Variants in CDH12 observed in about 807,000 individuals in gnomAD.
CDH12 encodes cadherin-12.
In CDH12, 41 loss-of-function variants were observed where a neutral mutation model predicts 74.1. That is an observed-to-expected ratio of 0.55 (90% CI 0.43 to 0.72). The LOEUF (loss-of-function observed/expected upper bound fraction) is 0.72. Among genes scored for constraint, CDH12 ranks in the 30% least tolerant of loss-of-function variants. The probability of loss-of-function intolerance (pLI) is 0.00; values close to 1 mark genes in which losing one functional copy is unlikely to be tolerated. For synonymous variants in CDH12, 399 were observed against 355.0 expected, an observed-to-expected ratio of 1.12 and a Z score of -1.39; for missense variants, 945 against 977.2, an observed-to-expected ratio of 0.97 and a Z score of 0.44.
intron 6 of CDH12, among the ~76,000 whole-genome samples, chr5:21,941,024 C>T (rs1309584879): frequency 6.6e-6 from 1 of 152,148 alleles, no homozygotes; most frequent in Admixed American, 6.5e-5. Flanking sequence ...TCAAAGACTT[C>T]CAAGCTTTGA....
chr5:22,164,380 A>C (rs1351117673), intron 4 of CDH12, among the ~76,000 whole-genome samples: 2 of 152,214 alleles, frequency 1.3e-5, no homozygotes, highest in Admixed American at 1.3e-4. Flanking sequence ...CAATGGCAAG[A>C]CTTTAACCCG....
At chr5:22,585,109 G>A (rs1740315853) in intron 1 of CDH12, among the ~76,000 whole-genome samples, 1 of 152,038 alleles carries the variant, frequency 6.6e-6, no homozygotes, top group Non-Finnish European at 1.5e-5. Context: ...GAATCTTCTG[G>A]TAGAATATAC....
At chr5:22,813,762 C>G (rs1749259042) in intron 1 of CDH12, among the ~76,000 whole-genome samples, 1 of 151,960 alleles carries the variant, frequency 6.6e-6, no homozygotes. Context: ...ACCAAAGAGC[C>G]CACAAGGAAA....
chr5:22,779,927 C>T (rs1385612942), intron 1 of CDH12, among the ~76,000 whole-genome samples: 1 of 152,130 alleles, frequency 6.6e-6, no homozygotes, highest in Non-Finnish European at 1.5e-5. Context: ...TCCCTAGTTC[C>T]TCACACAGAA....
intron 3 of CDH12, among the ~76,000 whole-genome samples, chr5:22,365,291 T>C (rs1561347366): frequency 6.6e-6 from 1 of 152,064 alleles, no homozygotes; most frequent in Non-Finnish European, 1.5e-5. Context: ...CTACAGAAAA[T>C]GGGTGTAGTT....
intron 2 of CDH12, among the ~76,000 whole-genome samples, chr5:22,442,200 A>T (rs914386788): frequency 1.3e-5 from 2 of 152,226 alleles, no homozygotes; most frequent in Non-Finnish European, 2.9e-5. Flanking sequence ...TTGTATTTAT[A>T]AGCATTAGTA....
At chr5:22,167,591 A>T (rs1035753438) in intron 4 of CDH12, among the ~76,000 whole-genome samples, 2 of 152,340 alleles carry the variant, frequency 1.3e-5, no homozygotes, top group African/African-American at 4.8e-5. Context: ...CTATGAGAAA[A>T]GAACGCATAG....
intron 2 of CDH12, among the ~76,000 whole-genome samples, chr5:22,497,762 C>T (rs1202103148): frequency 6.7e-6 from 1 of 149,970 alleles, no homozygotes; most frequent in East Asian, 2.0e-4. Context: ...CCTGCCTCAG[C>T]CTCCTAAGTG....
At chr5:22,477,879 C>T (rs555218468) in intron 2 of CDH12, among the ~76,000 whole-genome samples, 167 of 152,284 alleles carry the variant, frequency 1.1e-3, no homozygotes, top group Admixed American at 2.1e-3. Flanking sequence ...CATCCACAAA[C>T]CTACTCTGGT....
intron 11 of CDH12, among the ~76,000 whole-genome samples, chr5:21,776,484 A>G (rs1370912986): frequency 1.3e-5 from 2 of 152,214 alleles, no homozygotes; most frequent in Non-Finnish European, 2.9e-5. Context: ...GTTCGTGAAT[A>G]GCAGTGTAGT....
At position 21,882,541 on chromosome 5, in the gene CDH12, G is replaced by A. The variant is rs1365862958; in HGVS notation, c.527-27751C>T. The A allele has an allele frequency of 1.3e-5, 15 of 1,119,976 alleles. No individual in the cohort carries two copies. The East Asian group carries it at 3.0e-4, about 23-fold the overall frequency. 69.4% of individuals were successfully genotyped at this position (1,119,976 alleles called of 1,614,324 possible). Reference sequence around the variant, plus strand: ...AGCACTCTGTCCCTCACTCGCCGCCGACAACCTGTCTCGCCGCGCGCATGC... The same window carrying A: ...AGCACTCTGTCCCTCACTCGCCGCCAACAACCTGTCTCGCCGCGCGCATGC... On this transcript the variant is annotated intron_variant, in intron 6 of 14. Coordinates refer to ENST00000382254, the MANE Select transcript of CDH12 (RefSeq NM_004061.5).
intron 3 of CDH12, among the ~76,000 whole-genome samples, chr5:22,372,468 G>T (rs1741334221): frequency 6.6e-6 from 1 of 152,198 alleles, no homozygotes; most frequent in South Asian, 2.1e-4. Context: ...TCAAGACAGA[G>T]AACTGCCTAC....
chr5:22,031,991 C>A, intron 5 of CDH12, among the ~76,000 whole-genome samples: 1 of 151,196 alleles, frequency 6.6e-6, no homozygotes, highest in African/African-American at 2.4e-5. Context: ...AGGGTTGCCA[C>A]AAACCTTCAA....
chr5:21,777,904 C>A (rs1186363478), intron 11 of CDH12, among the ~76,000 whole-genome samples: 2 of 152,136 alleles, frequency 1.3e-5, no homozygotes, highest in Non-Finnish European at 2.9e-5. Flanking sequence ...GTAAATCTAG[C>A]TAATTAACAT....
intron 6 of CDH12, 132 bp from the exon 7 acceptor site, chr5:21,854,922 T>G (rs775729139): frequency 1.4e-5 from 9 of 647,732 alleles, no homozygotes; most frequent in South Asian, 5.3e-5. Flanking sequence ...ATGATGTCAC[T>G]GAGGATAGTT....
intron 1 of CDH12, among the ~76,000 whole-genome samples, chr5:22,624,136 C>G (rs1738141250): frequency 6.6e-6 from 1 of 152,132 alleles, no homozygotes; most frequent in South Asian, 2.1e-4. Context: ...AACTGGATCC[C>G]TTCCTTACAC....
rs554046727 is a variant in CDH12 at position 22,239,470 on chromosome 5, C to G, written c.-332-26827G>C. Among the ~76,000 whole-genome samples, 368 of 151,988 alleles carry G rather than the reference C, an allele frequency of 2.4e-3. 3 individuals are homozygous for G. Among genetic ancestry groups the G allele is most frequent in the African/African-American group, 8.7e-3 (362 of 41,464 alleles). On this transcript the variant is annotated intron_variant, in intron 3 of 14. Coordinates refer to ENST00000382254, the MANE Select transcript of CDH12 (RefSeq NM_004061.5). ...GACTTGATGCTAAGCAGTATCTTCA[C>G]ACGTCTGCTACACTAAGATTTAAAT...
intron 12 of CDH12, among the ~76,000 whole-genome samples, chr5:21,764,050 A>G (rs112762290): frequency 0.032 from 4,816 of 152,228 alleles, 180 homozygotes; most frequent in East Asian, 0.15. Flanking sequence ...TGGCTTGCTT[A>G]CTGGGTTTAC....
intron 6 of CDH12, among the ~76,000 whole-genome samples, chr5:21,890,884 A>C (rs1050716485): frequency 1.1e-4 from 17 of 152,140 alleles, no homozygotes; most frequent in Admixed American, 6.6e-4. Flanking sequence ...AAATTTAAAG[A>C]AACTTGTCAA....
Sources: allele counts gnomAD v4.1 joint callset (sites outside exome capture counted in the v4.1 genomes callset), GRCh38; gene constraint gnomAD v4.1.1; transcripts MANE v1.5; gene names NCBI Gene and HGNC (gene_info 2026-07-23, HGNC 2026-07-21).